MBP: variants seen among roughly 807,000 people sequenced by gnomAD.
MBP encodes Golli-MBP.
MBP carries 16 observed loss-of-function variants against 35.8 expected under a neutral mutation model. The observed-to-expected ratio is 0.45, with a 90% CI of 0.30 to 0.68. The LOEUF (loss-of-function observed/expected upper bound fraction) is 0.68, where lower values mean the gene tolerates loss of function less well. Among genes scored for constraint, MBP ranks in the 30% least tolerant of loss-of-function variants. MBP has a pLI of 0.08. For missense variants in MBP, 380 were observed against 404.7 expected (o/e 0.94, Z 0.52); for synonymous variants, 143 against 159.6 (o/e 0.90, Z 0.78).
At chr18:77,028,682 C>A (rs1405096823) in intron 3 of MBP, among the ~76,000 whole-genome samples, 1 of 87,900 alleles carries the variant, frequency 1.1e-5, no homozygotes, top group African/African-American at 3.1e-5. Flanking sequence ...CTCCTCACTT[C>A]CCAGTAGGGG....
At chr18:76,985,070 GC>G in intron 7 of MBP, 176 bp from the exon 8 acceptor site, 1 of 1,485,958 alleles carries the variant, frequency 6.7e-7, no homozygotes, top group Non-Finnish European at 9.1e-7. Flanking sequence ...GGGAGAGGCT[GC>G]TCCCCCAGGT....
chr18:77,077,258 A>C (rs2144887675), intron 2 of MBP, among the ~76,000 whole-genome samples: 1 of 146,594 alleles, frequency 6.8e-6, no homozygotes, highest in Non-Finnish European at 1.5e-5. Flanking sequence ...GCTACTCGGG[A>C]GGCTGAGGCA....
intron 1 of MBP, among the ~76,000 whole-genome samples, chr18:77,122,969 T>C (rs1013307234): frequency 1.3e-5 from 2 of 152,232 alleles, no homozygotes; most frequent in South Asian, 2.1e-4. Context: ...TGGCAGGGTA[T>C]TGAGCAAATA....
intron 2 of MBP, among the ~76,000 whole-genome samples, chr18:77,097,913 T>A (rs11663742): frequency 0.042 from 6,400 of 151,600 alleles, 240 homozygotes; most frequent in East Asian, 0.12. Flanking sequence ...AATCTTTTTT[T>A]TAAAAAAATA....
At chr18:77,084,411 G>A (rs902979432) in intron 2 of MBP, among the ~76,000 whole-genome samples, 870 of 73,504 alleles carry the variant, frequency 0.012, 17 homozygotes, top group Admixed American at 0.02. Context: ...TCACAACACC[G>A]CCCCCCCCGC....
intron 3 of MBP, among the ~76,000 whole-genome samples, chr18:77,037,904 A>G (rs957258608): frequency 1.3e-5 from 2 of 152,258 alleles, no homozygotes; most frequent in Non-Finnish European, 2.9e-5. Flanking sequence ...AGAAATAATC[A>G]TTTTGAAATA....
intron 1 of MBP, among the ~76,000 whole-genome samples, chr18:77,118,758 A>C (rs986984671): frequency 1.4e-5 from 2 of 143,606 alleles, no homozygotes; most frequent in South Asian, 2.2e-4. Flanking sequence ...CACACACACC[A>C]CACACACACA....
At chr18:77,013,626 C>A (rs1373236568) in intron 4 of MBP, 1 of 985,198 alleles carries the variant, frequency 1.0e-6, no homozygotes, top group African/African-American at 1.7e-5. Flanking sequence ...ATACTGAATG[C>A]TGAATAGAAG....
intron 1 of MBP, among the ~76,000 whole-genome samples, chr18:77,130,125 GAGA>G (rs1977192383): frequency 6.6e-6 from 1 of 152,070 alleles, no homozygotes; most frequent in Non-Finnish European, 1.5e-5. Context: ...GAAAGCTAAG[GAGA>G]AGATGATGAA....
chr18:77,124,499 T>C (rs1025871835), intron 1 of MBP, among the ~76,000 whole-genome samples: 7 of 149,846 alleles, frequency 4.7e-5, no homozygotes, highest in Admixed American at 4.7e-4. Context: ...GGTCGCTGCC[T>C]GCACCTCCTT....
chr18:76,986,972 A>G, intron 7 of MBP: 1 of 985,454 alleles, frequency 1.0e-6, no homozygotes, highest in Non-Finnish European at 1.2e-6. Flanking sequence ...ACAAGGAGAG[A>G]GTCCTGCGGC....
At chr18:77,049,751 C>T (rs1973407232) in intron 3 of MBP, among the ~76,000 whole-genome samples, 1 of 152,060 alleles carries the variant, frequency 6.6e-6, no homozygotes, top group South Asian at 2.1e-4. Context: ...GCAATCTCAG[C>T]TCACTGCAAC....
chr18:77,078,742 G>A (rs1974763824), intron 2 of MBP, among the ~76,000 whole-genome samples: 2 of 152,260 alleles, frequency 1.3e-5, no homozygotes, highest in Admixed American at 6.5e-5. Flanking sequence ...TCCATCCCGT[G>A]CCCTGTGCTG....
intron 2 of MBP, among the ~76,000 whole-genome samples, chr18:77,066,898 G>A (rs892624149): frequency 6.6e-6 from 1 of 152,228 alleles, no homozygotes; most frequent in African/African-American, 2.4e-5. Flanking sequence ...GGCCTGTTGT[G>A]GTGTTATGGG....
intron 2 of MBP, among the ~76,000 whole-genome samples, chr18:77,080,426 ATTGT>A (rs1019279934): frequency 9.9e-5 from 15 of 152,150 alleles, no homozygotes; most frequent in African/African-American, 3.6e-4. Flanking sequence ...GGGGTGGATG[ATTGT>A]TTGTTGTGAG....
intron 3 of MBP, among the ~76,000 whole-genome samples, chr18:77,060,781 A>G (rs1455120734): frequency 6.6e-6 from 1 of 152,270 alleles, no homozygotes; most frequent in South Asian, 2.1e-4. Flanking sequence ...CCTTGCAACA[A>G]TTCTTGAGGG....
intron 3 of MBP, among the ~76,000 whole-genome samples, chr18:77,019,983 C>T (rs982553943): frequency 6.6e-6 from 1 of 152,152 alleles, no homozygotes; most frequent in African/African-American, 2.4e-5. Flanking sequence ...TGAGCAACAG[C>T]AGGGGTATCA....
At chr18:77,062,728 C>T (rs1216002489) in intron 3 of MBP, among the ~76,000 whole-genome samples, 1 of 152,156 alleles carries the variant, frequency 6.6e-6, no homozygotes, top group Admixed American at 6.5e-5. Context: ...TTTGAGCACT[C>T]AATGTGTGAA....
At chr18:77,046,586 G>A (rs1206381637) in intron 3 of MBP, among the ~76,000 whole-genome samples, 2 of 152,220 alleles carry the variant, frequency 1.3e-5, no homozygotes, top group African/African-American at 2.4e-5. Context: ...CTGCACCTCT[G>A]GTCTGGCAGC....
Sources: allele counts gnomAD v4.1 joint callset (sites outside exome capture counted in the v4.1 genomes callset), GRCh38; gene constraint gnomAD v4.1.1; transcripts MANE v1.5; gene names NCBI Gene and HGNC (gene_info 2026-07-23, HGNC 2026-07-21).